ROBO2: variants seen among roughly 807,000 people sequenced by gnomAD.
ROBO2 encodes roundabout homolog 2.
Under a neutral mutation model 160.8 loss-of-function variants are expected in ROBO2, and 53 were observed. That is an observed-to-expected ratio of 0.33 (90% CI 0.26 to 0.41). The LOEUF is 0.41. Ranked by LOEUF, ROBO2 falls within the 10% of genes least tolerant of loss-of-function variation. The pLI is 1.00. For synonymous variants in ROBO2, 664 were observed against 611.7 expected, an observed-to-expected ratio of 1.09 and a Z score of -1.26; for missense variants, 1,577 against 1,722.4, an observed-to-expected ratio of 0.92 and a Z score of 1.49.
At chr3:76,796,083 A>G (rs2063672564) in intron 2 of ROBO2, among the ~76,000 whole-genome samples, 1 of 152,110 alleles carries the variant, frequency 6.6e-6, no homozygotes, top group Non-Finnish European at 1.5e-5. Context: ...TATTCAGTAA[A>G]CCATGCTGTT....
intron 2 of ROBO2, among the ~76,000 whole-genome samples, chr3:76,239,537 T>G (rs1705164230): frequency 6.6e-6 from 1 of 152,124 alleles, no homozygotes; most frequent in African/African-American, 2.4e-5. Flanking sequence ...AGACAGGTGT[T>G]GAAGTCCAGT....
At chr3:76,806,410 G>A (rs749018685) in intron 2 of ROBO2, among the ~76,000 whole-genome samples, 1 of 151,926 alleles carries the variant, frequency 6.6e-6, no homozygotes, top group Non-Finnish European at 1.5e-5. Flanking sequence ...CAGTGAGGTA[G>A]ATTGTATGAC....
chr3:76,059,140 T>G (rs1333199705), intron 2 of ROBO2, among the ~76,000 whole-genome samples: 1 of 151,954 alleles, frequency 6.6e-6, no homozygotes, highest in African/African-American at 2.4e-5. Flanking sequence ...GGCAGCATGA[T>G]TTATAATCCT....
chr3:76,920,491 G>T (rs2076588454), intron 2 of ROBO2, among the ~76,000 whole-genome samples: 1 of 152,144 alleles, frequency 6.6e-6, no homozygotes, highest in African/African-American at 2.4e-5. Flanking sequence ...AATTTGAAAA[G>T]TTAGTTTTTG....
chr3:76,019,141 C>T (rs1026073985), intron 2 of ROBO2, among the ~76,000 whole-genome samples: 2 of 151,334 alleles, frequency 1.3e-5, no homozygotes, highest in African/African-American at 4.9e-5. Context: ...TTCAAATTGG[C>T]TAATATTTGC....
intron 1 of ROBO2, among the ~76,000 whole-genome samples, chr3:77,074,737 G>GATGA (rs60736267): frequency 0.11 from 16,374 of 151,640 alleles, 2,779 homozygotes; most frequent in African/African-American, 0.37. Flanking sequence ...ATGAATAAGT[G>GATGA]ATGAATGAAT....
At chr3:76,446,240 A>C (rs915619620) in intron 2 of ROBO2, among the ~76,000 whole-genome samples, 172 of 152,220 alleles carry the variant, frequency 1.1e-3, no homozygotes, top group Middle Eastern at 6.8e-3. Context: ...TTCTTTTACA[A>C]CAATAAGAGA....
chr3:77,475,508 G>A (rs2083894010), intron 2 of ROBO2, among the ~76,000 whole-genome samples: 1 of 152,138 alleles, frequency 6.6e-6, no homozygotes, highest in Non-Finnish European at 1.5e-5. Flanking sequence ...CTTGTGCTTA[G>A]GCTTTTTGGC....
intron 2 of ROBO2, among the ~76,000 whole-genome samples, chr3:76,626,768 C>A (rs2089669545): frequency 1.3e-5 from 2 of 152,088 alleles, no homozygotes; most frequent in Non-Finnish European, 2.9e-5. Flanking sequence ...TCTCTGCTCA[C>A]TGCAAGTTCC....
intron 2 of ROBO2, among the ~76,000 whole-genome samples, chr3:77,309,091 T>A (rs1430717659): frequency 6.6e-6 from 1 of 151,940 alleles, no homozygotes; most frequent in African/African-American, 2.4e-5. Context: ...CTTTATTTTG[T>A]TTTGTTTTAA....
intron 2 of ROBO2, among the ~76,000 whole-genome samples, chr3:76,254,286 G>T (rs1030805197): frequency 6.6e-6 from 1 of 152,070 alleles, no homozygotes; most frequent in African/African-American, 2.4e-5. Flanking sequence ...GAGTGACTAT[G>T]AGGACCATCA....
At chr3:77,172,631 AAGT>A (rs1292499476) in intron 2 of ROBO2, among the ~76,000 whole-genome samples, 1 of 152,144 alleles carries the variant, frequency 6.6e-6, no homozygotes, top group Admixed American at 6.6e-5. Context: ...ATATATAGAC[AAGT>A]AGTGTGATTT....
At chr3:77,501,358 A>G (rs2087578980) in intron 5 of ROBO2, among the ~76,000 whole-genome samples, 1 of 152,236 alleles carries the variant, frequency 6.6e-6, no homozygotes, top group Admixed American at 6.5e-5. Context: ...ACTTGTGTGC[A>G]CAAGACAATT....
At chr3:76,877,607 G>C (rs567811790) in intron 2 of ROBO2, among the ~76,000 whole-genome samples, 1 of 152,302 alleles carries the variant, frequency 6.6e-6, no homozygotes, top group South Asian at 2.1e-4. Context: ...ATCTTCGAAA[G>C]TTCTATGGCA....
chr3:76,173,291 A>G (rs1575748826), intron 2 of ROBO2, among the ~76,000 whole-genome samples: 1 of 152,144 alleles, frequency 6.6e-6, no homozygotes, highest in East Asian at 1.9e-4. Flanking sequence ...TATGTATCAA[A>G]TTCAGATAAG....
At chr3:76,072,609 C>T (rs2068499336) in intron 2 of ROBO2, among the ~76,000 whole-genome samples, 1 of 152,084 alleles carries the variant, frequency 6.6e-6, no homozygotes, top group Non-Finnish European at 1.5e-5. Flanking sequence ...CTTGTATCAG[C>T]ACACTTCATA....
intron 2 of ROBO2, among the ~76,000 whole-genome samples, chr3:77,422,173 C>A (rs560207669): frequency 1.3e-4 from 20 of 152,164 alleles, no homozygotes; most frequent in Non-Finnish European, 2.8e-4. Flanking sequence ...ACTGCACAAG[C>A]ATCCCACTCG....
At chr3:75,961,167 A>G (rs988561567) in intron 2 of ROBO2, among the ~76,000 whole-genome samples, 1 of 151,602 alleles carries the variant, frequency 6.6e-6, no homozygotes, top group Admixed American at 6.6e-5. Context: ...CTAGCAAACT[A>G]CCTAGAAAAA....
At chr3:76,229,875 G>T (rs1379338063) in intron 2 of ROBO2, among the ~76,000 whole-genome samples, 2 of 152,072 alleles carry the variant, frequency 1.3e-5, no homozygotes, top group African/African-American at 2.4e-5. Flanking sequence ...GAATGTAATG[G>T]ATTCTCTGAG....
Sources: allele counts gnomAD v4.1 joint callset (sites outside exome capture counted in the v4.1 genomes callset), GRCh38; gene constraint gnomAD v4.1.1; transcripts MANE v1.5; gene names NCBI Gene and HGNC (gene_info 2026-07-23, HGNC 2026-07-21).